The following CEP63 variants were observed in gnomAD, a reference collection of about 807,000 sequenced individuals.
CEP63 encodes centrosomal protein of 63 kDa.
In CEP63, 84 loss-of-function variants were observed where a neutral mutation model predicts 89.1. The ratio of observed to expected loss-of-function variants is 0.94; its 90% CI spans 0.79 to 1.13. CEP63 has a LOEUF of 1.13. CEP63 is among the 50% of genes most tolerant of loss of function. CEP63 has a pLI of 0.00. For synonymous variants in CEP63, 267 were observed against 272.5 expected (o/e 0.98, Z 0.20); for missense variants, 838 against 813.3 (o/e 1.03, Z -0.37).
intron 3 of CEP63, among the ~76,000 whole-genome samples, chr3:134,527,330 A>C (rs1948864945): frequency 6.6e-6 from 1 of 152,074 alleles, no homozygotes; most frequent in South Asian, 2.1e-4. Flanking sequence ...GTGTACTGCA[A>C]ACAGGAGTGG....
At chr3:134,488,298 C>T (rs986883944) in intron 1 of CEP63, among the ~76,000 whole-genome samples, 2 of 152,130 alleles carry the variant, frequency 1.3e-5, no homozygotes, top group Admixed American at 6.5e-5. Context: ...TAACCCTGTC[C>T]ATGTGTATTA....
chr3:134,545,485 T>C (rs1387927641), intron 6 of CEP63, 101 bp from the exon 7 acceptor site: 24 of 874,752 alleles, frequency 2.7e-5, no homozygotes, highest in Middle Eastern at 4.5e-4. Flanking sequence ...AGTGAGCCAA[T>C]GCTTTATGTT....
At chr3:134,653,542 A>G in the CEP63 span, among the ~76,000 whole-genome samples, 1 of 152,062 alleles carries the variant, frequency 6.6e-6, no homozygotes, top group South Asian at 2.1e-4. Context: ...CTCTATTCCC[A>G]TCCTTGGCCT....
At chr3:134,762,414 T>A in the CEP63 span, among the ~76,000 whole-genome samples, 1 of 152,180 alleles carries the variant, frequency 6.6e-6, no homozygotes, top group Non-Finnish European at 1.5e-5. Flanking sequence ...GGGGACATTA[T>A]GGGTTGAATT....
chr3:134,668,135 C>T, the CEP63 span, among the ~76,000 whole-genome samples: 2 of 152,258 alleles, frequency 1.3e-5, no homozygotes, highest in East Asian at 1.9e-4. Flanking sequence ...AACCGCCTCA[C>T]ATCAGACCTC....
the CEP63 span, among the ~76,000 whole-genome samples, chr3:134,667,994 C>G: frequency 6.6e-6 from 1 of 152,232 alleles, no homozygotes; most frequent in African/African-American, 2.4e-5. Flanking sequence ...GGAACACTCA[C>G]AGGTCTGCCT....
At chr3:134,676,909 T>C in the CEP63 span, among the ~76,000 whole-genome samples, 1 of 152,222 alleles carries the variant, frequency 6.6e-6, no homozygotes, top group Non-Finnish European at 1.5e-5. Flanking sequence ...TCTCCACGTA[T>C]TGGCTCCTCG....
At chr3:134,729,382 C>T in the CEP63 span, among the ~76,000 whole-genome samples, 1 of 152,196 alleles carries the variant, frequency 6.6e-6, no homozygotes, top group Non-Finnish European at 1.5e-5. Flanking sequence ...TTTCTTTTCT[C>T]ACTAAAATAA....
At chr3:134,762,977 G>A in the CEP63 span, among the ~76,000 whole-genome samples, 28 of 152,262 alleles carry the variant, frequency 1.8e-4, no homozygotes, top group Admixed American at 1.0e-3. Context: ...AACTTCTAGG[G>A]CCTGCGATGG....
chr3:134,761,324 T>C, the CEP63 span, among the ~76,000 whole-genome samples: 2 of 152,144 alleles, frequency 1.3e-5, no homozygotes, highest in Admixed American at 6.5e-5. Flanking sequence ...TGAAGGCGCC[T>C]GAGAGAGAAC....
chr3:134,673,813 A>G, the CEP63 span, among the ~76,000 whole-genome samples: 1 of 152,176 alleles, frequency 6.6e-6, no homozygotes, highest in African/African-American at 2.4e-5. Flanking sequence ...TCCCTTCTGC[A>G]GGACAACCCC....
At chr3:134,575,144 G>A (rs1472628197), downstream of CEP63, 13 of 234,398 alleles carry the variant, frequency 5.5e-5, no homozygotes, top group Non-Finnish European at 9.0e-5. Context: ...TCATCCCTCC[G>A]TCCCTCCCTC....
chr3:134,718,730 C>T, the CEP63 span, among the ~76,000 whole-genome samples: 1 of 152,216 alleles, frequency 6.6e-6, no homozygotes, highest in Non-Finnish European at 1.5e-5. Flanking sequence ...TCTAGACAAA[C>T]CATGGCTTCT....
At chr3:134,557,507 A>G (rs1956473084) in intron 12 of CEP63, among the ~76,000 whole-genome samples, 1 of 151,108 alleles carries the variant, frequency 6.6e-6, no homozygotes, top group Admixed American at 6.6e-5. Flanking sequence ...AATCACCCAG[A>G]CTACCATTTT....
the CEP63 span, among the ~76,000 whole-genome samples, chr3:134,631,191 T>C: frequency 6.6e-6 from 1 of 152,188 alleles, no homozygotes; most frequent in African/African-American, 2.4e-5. Flanking sequence ...TGAAAACTTC[T>C]GAAATCTGGC....
chr3:134,658,530 T>C, the CEP63 span, among the ~76,000 whole-genome samples: 1 of 152,208 alleles, frequency 6.6e-6, no homozygotes, highest in African/African-American at 2.4e-5. Context: ...TTTGTGCCTA[T>C]GTTTGTTGAA....
At chr3:134,742,588 C>T in the CEP63 span, among the ~76,000 whole-genome samples, 3 of 152,172 alleles carry the variant, frequency 2.0e-5, no homozygotes, top group Non-Finnish European at 4.4e-5. Flanking sequence ...GCTGGGAATG[C>T]AACATTCCTG....
the CEP63 span, among the ~76,000 whole-genome samples, chr3:134,659,553 G>A: frequency 6.6e-6 from 1 of 152,206 alleles, no homozygotes. Flanking sequence ...AGCCTAATGT[G>A]CTTGCCATTC....
At chr3:134,780,233 C>A in the CEP63 span, among the ~76,000 whole-genome samples, 1 of 152,102 alleles carries the variant, frequency 6.6e-6, no homozygotes, top group African/African-American at 2.4e-5. Flanking sequence ...GAATCTTTTG[C>A]CCCCTTTTTA....
Sources: allele counts gnomAD v4.1 joint callset (sites outside exome capture counted in the v4.1 genomes callset), GRCh38; gene constraint gnomAD v4.1.1; transcripts MANE v1.5; gene names NCBI Gene and HGNC (gene_info 2026-07-23, HGNC 2026-07-21).